Variants in FHIT observed in about 807,000 individuals in gnomAD.
The protein encoded by FHIT is fragile histidine triad diadenosine triphosphatase, also known as bis(5'-adenosyl)-triphosphatase.
A neutral mutation model predicts 17.9 loss-of-function variants in FHIT; 19 were observed. The observed-to-expected ratio is 1.06, with a 90% CI of 0.74 to 1.56. FHIT has a LOEUF of 1.56. Among genes scored for constraint, FHIT ranks in the 40% most tolerant of loss-of-function variants. FHIT has a pLI of 0.00. For missense variants in FHIT, 248 were observed against 189.2 expected (o/e 1.31, Z -1.82); for synonymous variants, 81 against 69.7 (o/e 1.16, Z -0.81).
At chr3:61,197,231 C>T (rs1206282508) in intron 2 of FHIT, among the ~76,000 whole-genome samples, 2 of 152,190 alleles carry the variant, frequency 1.3e-5, no homozygotes, top group East Asian at 1.9e-4. Context: ...ATATTGTCTT[C>T]ATGTGATCCT....
chr3:60,675,111 G>A (rs1446719872), intron 4 of FHIT, among the ~76,000 whole-genome samples: 1 of 152,182 alleles, frequency 6.6e-6, no homozygotes, highest in Non-Finnish European at 1.5e-5. Flanking sequence ...TGTCTCAAGG[G>A]TCACAGCCCT....
chr3:60,433,485 C>T (rs1452182566), intron 5 of FHIT, among the ~76,000 whole-genome samples: 1 of 152,026 alleles, frequency 6.6e-6, no homozygotes, highest in East Asian at 1.9e-4. Context: ...TTTTAGAAAT[C>T]TCCATACAGT....
intron 5 of FHIT, among the ~76,000 whole-genome samples, chr3:60,158,859 A>G (rs911707684): frequency 6.6e-6 from 1 of 151,602 alleles, no homozygotes; most frequent in Non-Finnish European, 1.5e-5. Flanking sequence ...AAATCACCCA[A>G]ATGAACTCCA....
At chr3:59,824,595 T>C (rs941450784) in intron 8 of FHIT, among the ~76,000 whole-genome samples, 3 of 152,232 alleles carry the variant, frequency 2.0e-5, no homozygotes, top group African/African-American at 7.2e-5. Context: ...GAATTTCATA[T>C]TATACTACAT....
At chr3:60,565,352 C>T (rs1278062812) in intron 4 of FHIT, among the ~76,000 whole-genome samples, 1 of 152,150 alleles carries the variant, frequency 6.6e-6, no homozygotes, top group African/African-American at 2.4e-5. Context: ...ATGCTGCCCC[C>T]AAGCACTATG....
intron 7 of FHIT, among the ~76,000 whole-genome samples, chr3:59,979,434 A>C (rs543203772): frequency 6.6e-6 from 1 of 152,182 alleles, no homozygotes; most frequent in Admixed American, 6.6e-5. Context: ...GGGAATGTCT[A>C]GAGTGGAGAC....
intron 4 of FHIT, among the ~76,000 whole-genome samples, chr3:60,758,624 T>C (rs1395495613): frequency 6.6e-6 from 1 of 152,332 alleles, no homozygotes; most frequent in Admixed American, 6.5e-5. Flanking sequence ...CAGTATTTGA[T>C]TTCAGGCCAA....
chr3:60,530,078 C>A (rs2035719175), intron 5 of FHIT, among the ~76,000 whole-genome samples: 1 of 152,188 alleles, frequency 6.6e-6, no homozygotes, highest in Non-Finnish European at 1.5e-5. Context: ...CAGCCCACCC[C>A]ATCCCATGCA....
chr3:60,043,362 C>T (rs1274590325), intron 5 of FHIT, among the ~76,000 whole-genome samples: 1 of 152,118 alleles, frequency 6.6e-6, no homozygotes, highest in Non-Finnish European at 1.5e-5. Flanking sequence ...AGTAACAATA[C>T]CTCCTATTTT....
At chr3:59,829,407 G>A (rs572457930) in intron 8 of FHIT, among the ~76,000 whole-genome samples, 1 of 152,192 alleles carries the variant, frequency 6.6e-6, no homozygotes, top group African/African-American at 2.4e-5. Flanking sequence ...AGGAGGATGT[G>A]AGAGCCCAGG....
intron 1 of FHIT, among the ~76,000 whole-genome samples, chr3:61,213,973 A>C (rs1457467634): frequency 3.9e-5 from 6 of 152,352 alleles, no homozygotes; most frequent in East Asian, 3.9e-4. Flanking sequence ...ACAAAGACAC[A>C]ACATACCAGA....
At chr3:60,397,381 G>C (rs917351106) in intron 5 of FHIT, among the ~76,000 whole-genome samples, 2 of 152,240 alleles carry the variant, frequency 1.3e-5, no homozygotes, top group Non-Finnish European at 2.9e-5. Context: ...TTGGGAAGAA[G>C]GAGTCTTAGG....
chr3:60,434,852 T>C (rs1167796442), intron 5 of FHIT, among the ~76,000 whole-genome samples: 1 of 152,160 alleles, frequency 6.6e-6, no homozygotes, highest in African/African-American at 2.4e-5. Flanking sequence ...CACCAAATCA[T>C]AGTTTCTACT....
chr3:60,421,030 CT>C (rs33921357), intron 5 of FHIT, among the ~76,000 whole-genome samples: 69,817 of 138,200 alleles, frequency 0.51, 18,313 homozygotes, highest in Non-Finnish European at 0.64. Context: ...TCTCCCACTA[CT>C]TTTTTTTTTT....
chr3:61,077,485 C>CAAACAAACAA (rs1553826816), intron 2 of FHIT, among the ~76,000 whole-genome samples: 1 of 151,304 alleles, frequency 6.6e-6, no homozygotes. Flanking sequence ...AACAAACAAA[C>CAAACAAACAA]AAAAAAAAAC....
intron 8 of FHIT, among the ~76,000 whole-genome samples, chr3:59,797,298 T>A (rs1466348726): frequency 6.6e-6 from 1 of 152,048 alleles, no homozygotes; most frequent in Non-Finnish European, 1.5e-5. Context: ...GCAATTCTCA[T>A]GCCTCAGCTT....
intron 3 of FHIT, among the ~76,000 whole-genome samples, chr3:60,865,979 G>A (rs1447159088): frequency 2.6e-5 from 4 of 152,060 alleles, no homozygotes; most frequent in African/African-American, 9.7e-5. Context: ...TGTTCTAGCA[G>A]TAGCTAAGAA....
At chr3:60,926,379 A>G (rs1344223312) in intron 3 of FHIT, among the ~76,000 whole-genome samples, 1 of 152,222 alleles carries the variant, frequency 6.6e-6, no homozygotes, top group Non-Finnish European at 1.5e-5. Flanking sequence ...GTGCAATCAA[A>G]CTAGAACTCA....
chr3:60,701,253 A>G (rs1553702040), intron 4 of FHIT, among the ~76,000 whole-genome samples: 2 of 151,584 alleles, frequency 1.3e-5, no homozygotes, highest in African/African-American at 4.9e-5. Context: ...CCTCCAAAGT[A>G]GCTGGGACTA....
Sources: allele counts gnomAD v4.1 joint callset (sites outside exome capture counted in the v4.1 genomes callset), GRCh38; gene constraint gnomAD v4.1.1; transcripts MANE v1.5; gene names NCBI Gene and HGNC (gene_info 2026-07-23, HGNC 2026-07-21).